CACNA1C: variants seen among roughly 807,000 people sequenced by gnomAD.
CACNA1C encodes the protein voltage-dependent L-type calcium channel subunit alpha-1C.
CACNA1C carries 30 observed loss-of-function variants against 229.0 expected under a neutral mutation model. The ratio of observed to expected loss-of-function variants is 0.13; its 90% confidence interval spans 0.10 to 0.18. CACNA1C has a LOEUF of 0.18. Ranked by LOEUF, CACNA1C falls within the 10% of genes least tolerant of loss-of-function variation. The pLI is 1.00. For synonymous variants in CACNA1C, 1,114 were observed against 1,132.5 expected (o/e 0.98, Z 0.33); for missense variants, 1,658 against 2,845.0 (o/e 0.58, Z 9.49).
chr12:2,493,153 G>T lies in CACNA1C; in HGVS notation c.917-37G>T, dbSNP rs771653379. The stretch of plus-strand genomic sequence containing the variant: ...TCTCTGCCCACATCTCTCCCTCCCT[G>T]CTGCTCCCGTCTCCTGTCTTCTTCT... On this transcript the variant is annotated intron_variant, in intron 6 of 46. Transcript: ENST00000399655. This position sits in a 1 kb window ranked among gnomAD's most constrained non-coding sequence, Gnocchi z 4.6. 19 of 1,573,420 alleles carry T rather than the reference G, an allele frequency of 1.2e-5. No individual in the cohort carries two copies. The highest frequency in any genetic ancestry group is 1.7e-5 in the Non-Finnish European group (19 of 1,143,926).
At chr12:2,082,775 G>C (rs766365823) in intron 1 of CACNA1C, among the ~76,000 whole-genome samples, 3 of 152,188 alleles carry the variant, frequency 2.0e-5, no homozygotes, top group Non-Finnish European at 4.4e-5. Flanking sequence ...GAGGTGCTGA[G>C]AGTGGGATGT....
intron 3 of CACNA1C, among the ~76,000 whole-genome samples, chr12:2,225,734 G>A (rs1362889417): frequency 6.6e-6 from 1 of 152,234 alleles, no homozygotes; most frequent in African/African-American, 2.4e-5. Context: ...TAGAGAGGAT[G>A]CTGTAGAGTG....
Position 2,410,762 on chromosome 12 carries a change from G to T in CACNA1C, c.478-38214G>T, listed in dbSNP as rs1276188102. Among the ~76,000 whole-genome samples the T allele has an allele frequency of 6.6e-6, 1 of 150,768 alleles. No homozygotes were observed. Among genetic ancestry groups the T allele is most frequent in the Non-Finnish European group, 1.5e-5 (1 of 67,786 alleles). The stretch of plus-strand genomic sequence containing the variant: ...CATGCGTGTGTGTATTCCAGGAGCT[G>T]ACTCTAGTTGTCAGGATGGCTCCCC... On this transcript the variant is annotated intron_variant, in intron 3 of 46. Coordinates refer to ENST00000399655, the MANE Select transcript of CACNA1C (RefSeq NM_000719.7). This position sits in a 1 kb window ranked among gnomAD's most constrained non-coding sequence, Gnocchi z 5.3.
At chr12:2,213,532 A>G (rs1212465093) in intron 3 of CACNA1C, among the ~76,000 whole-genome samples, 3 of 152,156 alleles carry the variant, frequency 2.0e-5, no homozygotes, top group African/African-American at 7.2e-5. Flanking sequence ...GGCTTTGCTA[A>G]TTCTCACTCT....
chr12:2,107,917 C>T (rs1000842879), intron 1 of CACNA1C, among the ~76,000 whole-genome samples: 1 of 152,224 alleles, frequency 6.6e-6, no homozygotes, highest in Non-Finnish European at 1.5e-5. Context: ...TACAGCACAA[C>T]CTGTGTTGCC....
At chr12:2,166,717 A>G (rs746189939) in intron 3 of CACNA1C, among the ~76,000 whole-genome samples, 57 of 152,242 alleles carry the variant, frequency 3.7e-4, no homozygotes, top group South Asian at 6.2e-4. Flanking sequence ...CTCACACCAT[A>G]CAGGCACTCA....
chr12:2,044,402 C>T (rs1402934645), intron 1 of CACNA1C, among the ~76,000 whole-genome samples: 4 of 152,092 alleles, frequency 2.6e-5, no homozygotes, highest in South Asian at 2.1e-4. Context: ...TGGTTGCCCT[C>T]GTGACTTTGC....
At chr12:2,544,074 G>A (rs1002863508) in intron 9 of CACNA1C, among the ~76,000 whole-genome samples, 3 of 152,004 alleles carry the variant, frequency 2.0e-5, no homozygotes, top group African/African-American at 7.2e-5. Flanking sequence ...TTCCCTAGAA[G>A]GGAAACTTGA....
intron 11 of CACNA1C, among the ~76,000 whole-genome samples, chr12:2,565,311 C>CAA: frequency 6.6e-6 from 1 of 151,444 alleles, no homozygotes; most frequent in Non-Finnish European, 1.5e-5. Flanking sequence ...ACTAAAAATA[C>CAA]AAAAAATTAG....
intron 3 of CACNA1C, among the ~76,000 whole-genome samples, chr12:2,126,592 G>A (rs2090154466): frequency 6.6e-6 from 1 of 152,244 alleles, no homozygotes; most frequent in African/African-American, 2.4e-5. Flanking sequence ...TGAAGTGGAG[G>A]TGGAGAGAAG....
intron 1 of CACNA1C, among the ~76,000 whole-genome samples, chr12:2,036,322 C>G (rs1425124823): frequency 6.6e-6 from 1 of 152,194 alleles, no homozygotes; most frequent in African/African-American, 2.4e-5. Context: ...CCAGAAGTCA[C>G]TTCAGGGTAG....
Position 2,419,783 on chromosome 12 carries a change from A to T in CACNA1C, c.478-29193A>T, listed in dbSNP as rs181330263. 5.9e-5 allele frequency among the ~76,000 whole-genome samples: 9 copies of T among 152,282 alleles called. No homozygotes were observed. The East Asian group carries it at 1.7e-3, about 29-fold the overall frequency. Reference sequence around the variant, plus strand: ...AAGAGAAGAGAATTCTCAAGGGTGTATGTGGCCTCTCCCCCTAAGAGATTT... The same window carrying T: ...AAGAGAAGAGAATTCTCAAGGGTGTTTGTGGCCTCTCCCCCTAAGAGATTT... On this transcript the variant is annotated intron_variant, in intron 3 of 46. Transcript: ENST00000399655.
intron 9 of CACNA1C, among the ~76,000 whole-genome samples, chr12:2,542,235 A>G (rs945703648): frequency 6.6e-6 from 1 of 152,222 alleles, no homozygotes; most frequent in African/African-American, 2.4e-5. Flanking sequence ...GACTTTGGTC[A>G]TCTTTGGACA....
intron 3 of CACNA1C, among the ~76,000 whole-genome samples, chr12:2,179,488 G>T (rs895737608): frequency 1.3e-5 from 2 of 152,208 alleles, no homozygotes; most frequent in African/African-American, 4.8e-5. Flanking sequence ...CTAGCCCCTT[G>T]CCCCACTCGA....
intron 1 of CACNA1C, among the ~76,000 whole-genome samples, chr12:2,086,901 A>T (rs543822096): frequency 6.6e-6 from 1 of 152,198 alleles, no homozygotes. Flanking sequence ...GCTAGCTGTG[A>T]CCCCAGGAAG....
At chr12:2,462,689 G>A (rs1211006398) in intron 5 of CACNA1C, among the ~76,000 whole-genome samples, 4 of 152,206 alleles carry the variant, frequency 2.6e-5, no homozygotes, top group African/African-American at 7.2e-5. Context: ...CTAAAATGAT[G>A]TGAGTGGTGC....
chr12:2,104,800 G>A (rs1399208312), intron 1 of CACNA1C, among the ~76,000 whole-genome samples: 2 of 152,214 alleles, frequency 1.3e-5, no homozygotes, highest in Non-Finnish European at 2.9e-5. Context: ...GCTGATAGGC[G>A]CCTTAGTTCA....
At chr12:2,508,785 A>G (rs1427668192) in intron 8 of CACNA1C, among the ~76,000 whole-genome samples, 1 of 152,244 alleles carries the variant, frequency 6.6e-6, no homozygotes, top group Admixed American at 6.5e-5. Flanking sequence ...AAGTCAATAT[A>G]AAGAATAGAT....
chr12:2,240,249 C>T (rs939644033), intron 3 of CACNA1C, among the ~76,000 whole-genome samples: 6 of 152,212 alleles, frequency 3.9e-5, no homozygotes, highest in East Asian at 1.9e-4. Context: ...GCAGTTTCCC[C>T]TCCCTTGCTC....
Sources: allele counts gnomAD v4.1 joint callset (sites outside exome capture counted in the v4.1 genomes callset), GRCh38; gene constraint gnomAD v4.1.1; non-coding constraint Gnocchi (gnomAD v3.1); transcripts MANE v1.5; gene names NCBI Gene and HGNC (gene_info 2026-07-23, HGNC 2026-07-21).